The following TRHR variants were observed in gnomAD, a reference collection of about 807,000 sequenced individuals.
The protein encoded by TRHR is thyrotropin-releasing hormone receptor.
Under a neutral mutation model 28.0 loss-of-function variants are expected in TRHR, and 14 were observed. The observed-to-expected ratio is 0.50, with a 90% CI of 0.33 to 0.78. TRHR has a LOEUF of 0.78. TRHR is among the 30% of genes least tolerant of loss of function. The pLI is 0.02. For missense variants in TRHR, 438 were observed against 469.5 expected, an observed-to-expected ratio of 0.93 and a Z score of 0.62; for synonymous variants, 176 against 171.9, an observed-to-expected ratio of 1.02 and a Z score of -0.18.
chr8:109,094,760 C>A (rs1203792442), intron 2 of TRHR, among the ~76,000 whole-genome samples: 2 of 151,326 alleles, frequency 1.3e-5, no homozygotes, highest in East Asian at 2.0e-4. Flanking sequence ...AATAATTGAG[C>A]AATAATTTCA....
Position 109,087,859 on chromosome 8 carries a change from T to C in TRHR, c.347T>C (p.Ile116Thr). The stretch of plus-strand genomic sequence containing the variant: ...GGAATTAATGCATCCTCTTGTTCAA[T>C]AACAGCCTTTACCATTGAGAGGTAC... ...YLGINASSCS[I>T]TAFTIERYIA... is the part of the protein sequence containing the mutation. Residue 116 changes from isoleucine (I) to threonine (T), a missense_variant, in exon 2 of 3, where the codon ATA (isoleucine) becomes ACA (threonine). Transcript: ENST00000518632. 1.2e-6 allele frequency: 2 copies of C among 1,614,220 alleles called. No individual in the cohort carries two copies. The highest frequency in any genetic ancestry group is 1.7e-6 in the Non-Finnish European group (2 of 1,180,046).
At chr8:109,096,785 A>ATG (rs1811600209) in intron 2 of TRHR, among the ~76,000 whole-genome samples, 1 of 152,092 alleles carries the variant, frequency 6.6e-6, no homozygotes, top group Admixed American at 6.5e-5. Context: ...ATACAAATAT[A>ATG]TGTGTATATA....
chr8:109,113,006 A>G (rs1025238464), intron 2 of TRHR, among the ~76,000 whole-genome samples: 3 of 152,118 alleles, frequency 2.0e-5, no homozygotes, highest in African/African-American at 7.2e-5. Flanking sequence ...AACTCCACTC[A>G]GGATTTGGAG....
intron 2 of TRHR, among the ~76,000 whole-genome samples, chr8:109,098,666 C>T (rs976102679): frequency 1.3e-5 from 2 of 152,170 alleles, no homozygotes; most frequent in African/African-American, 4.8e-5. Context: ...AACACACCCT[C>T]ATACAGGCAA....
At chr8:109,106,936 T>C (rs1811759656) in intron 2 of TRHR, among the ~76,000 whole-genome samples, 1 of 152,134 alleles carries the variant, frequency 6.6e-6, no homozygotes, top group South Asian at 2.1e-4. Flanking sequence ...AATACATAAG[T>C]AAGCCAATGA....
intron 2 of TRHR, among the ~76,000 whole-genome samples, chr8:109,099,907 C>A (rs895536481): frequency 1.2e-4 from 19 of 152,162 alleles, no homozygotes; most frequent in Non-Finnish European, 2.5e-4. Context: ...GGAAACTCAG[C>A]ATATTTTCTG....
intron 2 of TRHR, among the ~76,000 whole-genome samples, chr8:109,105,570 T>C (rs1425284272): frequency 6.6e-6 from 1 of 151,976 alleles, no homozygotes; most frequent in Non-Finnish European, 1.5e-5. Context: ...AAACATGGAA[T>C]AAAAAACAAA....
At chr8:109,109,263 C>T (rs1811793715) in intron 2 of TRHR, among the ~76,000 whole-genome samples, 1 of 152,024 alleles carries the variant, frequency 6.6e-6, no homozygotes, top group Non-Finnish European at 1.5e-5. Context: ...AATATTCCTT[C>T]CCAAAATTCA....
chr8:109,118,536 C>A (rs962808020), intron 2 of TRHR, among the ~76,000 whole-genome samples: 3 of 151,794 alleles, frequency 2.0e-5, no homozygotes, highest in African/African-American at 7.3e-5. Flanking sequence ...CATTCTCTTA[C>A]AAGACTCTGA....
At chr8:109,109,505 G>A (rs1202786605) in intron 2 of TRHR, among the ~76,000 whole-genome samples, 1 of 150,718 alleles carries the variant, frequency 6.6e-6, no homozygotes, top group Non-Finnish European at 1.5e-5. Context: ...TGCATACTAA[G>A]TATTTCATAT....
chr8:109,112,268 A>C (rs1044632546), intron 2 of TRHR, among the ~76,000 whole-genome samples: 3 of 152,174 alleles, frequency 2.0e-5, no homozygotes, highest in Non-Finnish European at 2.9e-5. Context: ...ATATAGAATC[A>C]AAATTCAGAA....
chr8:109,112,650 T>G (rs1811852541), intron 2 of TRHR, among the ~76,000 whole-genome samples: 1 of 152,160 alleles, frequency 6.6e-6, no homozygotes, highest in South Asian at 2.1e-4. Context: ...TAGTTACCAA[T>G]GATTTCTGGC....
chr8:109,100,170 A>T (rs1811656614), intron 2 of TRHR, among the ~76,000 whole-genome samples: 1 of 152,194 alleles, frequency 6.6e-6, no homozygotes, highest in Non-Finnish European at 1.5e-5. Context: ...TTATGCACAC[A>T]TAAAATTCAG....
intron 2 of TRHR, among the ~76,000 whole-genome samples, chr8:109,088,543 C>A (rs1811476937): frequency 6.6e-6 from 1 of 152,088 alleles, no homozygotes; most frequent in Non-Finnish European, 1.5e-5. Context: ...TATTAAGATA[C>A]AAAGAAATAT....
In TRHR at chr8:109,088,083, A is replaced by G; in HGVS notation, c.571A>G (p.Ile191Val). Residue 191 changes from isoleucine (I) to valine (V), a missense_variant, in exon 2 of 3, where the codon ATT (isoleucine) becomes GTT (valine). Transcript: ENST00000518632. ...GATCTCCAGGAATTACTACTCACCT[A>G]TTTACCTAATGGACTTTGGTGTCTT... ...YKISRNYYSP[I>V]YLMDFGVFYV... 1 of 1,614,104 alleles carries G rather than the reference A, an allele frequency of 6.2e-7. No individual in the cohort carries two copies. Among genetic ancestry groups the G allele is most frequent in the Non-Finnish European group, 8.5e-7 (1 of 1,180,032 alleles).
At chr8:109,098,643 C>T (rs1811630927) in intron 2 of TRHR, among the ~76,000 whole-genome samples, 1 of 152,170 alleles carries the variant, frequency 6.6e-6, no homozygotes, top group Admixed American at 6.5e-5. Context: ...AACTCATCTG[C>T]CCTCTGTCCC....
intron 2 of TRHR, among the ~76,000 whole-genome samples, chr8:109,102,466 G>A (rs1811691887): frequency 6.6e-6 from 1 of 152,016 alleles, no homozygotes; most frequent in Admixed American, 6.6e-5. Context: ...CACAGTATCT[G>A]GTACATGGAC....
chr8:109,103,794 T>A (rs1247550927), intron 2 of TRHR, among the ~76,000 whole-genome samples: 1 of 152,156 alleles, frequency 6.6e-6, no homozygotes, highest in Non-Finnish European at 1.5e-5. Context: ...TTCCTCAGGA[T>A]AATCAATCGG....
intron 2 of TRHR, among the ~76,000 whole-genome samples, chr8:109,095,043 A>G (rs1811568590): frequency 6.6e-6 from 1 of 151,912 alleles, no homozygotes; most frequent in African/African-American, 2.4e-5. Flanking sequence ...AGCAAAAGTT[A>G]TAATGCTCGA....
Sources: gnomAD v4.1 joint callset for allele counts (sites outside exome capture counted in the v4.1 genomes callset) on GRCh38, gnomAD v4.1.1 for gene constraint, MANE v1.5 for transcripts, NCBI Gene and HGNC (gene_info 2026-07-23, HGNC 2026-07-21) for gene names.